Variants in CDH12 observed in about 807,000 individuals in gnomAD.
CDH12 encodes cadherin-12.
In CDH12, 41 loss-of-function variants were observed where a neutral mutation model predicts 74.1. The observed-to-expected ratio is 0.55, with a 90% confidence interval of 0.43 to 0.72. The LOEUF (loss-of-function observed/expected upper bound fraction) is 0.72. Ranked by LOEUF, CDH12 falls within the 30% of genes least tolerant of loss-of-function variation. CDH12 has a pLI of 0.00. For synonymous variants in CDH12, 399 were observed against 355.0 expected (o/e 1.12, Z -1.39); for missense variants, 945 against 977.2 (o/e 0.97, Z 0.44).
At chr5:22,643,677 T>A (rs1739270245) in intron 1 of CDH12, among the ~76,000 whole-genome samples, 1 of 150,614 alleles carries the variant, frequency 6.6e-6, no homozygotes. Flanking sequence ...TACATAAACT[T>A]GTAAAAGAAA....
chr5:22,455,672 A>G (rs886849356), intron 2 of CDH12, among the ~76,000 whole-genome samples: 13 of 152,224 alleles, frequency 8.5e-5, no homozygotes, highest in African/African-American at 3.1e-4. Flanking sequence ...CAGCACATAG[A>G]TAGCACTTAC....
At chr5:22,798,685 T>C (rs1021620216) in intron 1 of CDH12, among the ~76,000 whole-genome samples, 11 of 152,194 alleles carry the variant, frequency 7.2e-5, no homozygotes, top group Admixed American at 2.0e-4. Context: ...TACAAGATTA[T>C]GCATTGGTAG....
chr5:21,902,338 C>A (rs1561286423), intron 6 of CDH12, among the ~76,000 whole-genome samples: 3 of 151,658 alleles, frequency 2.0e-5, no homozygotes, highest in African/African-American at 7.3e-5. Flanking sequence ...CGCTATTTCT[C>A]TTTCTCTCTG....
At chr5:21,973,855 A>C (rs1398591056) in intron 6 of CDH12, among the ~76,000 whole-genome samples, 1 of 152,072 alleles carries the variant, frequency 6.6e-6, no homozygotes, top group Non-Finnish European at 1.5e-5. Flanking sequence ...TTCCAATTGG[A>C]CTTCTAAATT....
chr5:22,446,738 C>T (rs1041818704), intron 2 of CDH12, among the ~76,000 whole-genome samples: 1 of 152,014 alleles, frequency 6.6e-6, no homozygotes, highest in African/African-American at 2.4e-5. Context: ...ATATATTTTT[C>T]AAAGCTTTTT....
At chr5:22,600,254 G>C (rs533715849) in intron 1 of CDH12, among the ~76,000 whole-genome samples, 1 of 152,090 alleles carries the variant, frequency 6.6e-6, no homozygotes, top group Non-Finnish European at 1.5e-5. Context: ...AATGCTATTC[G>C]TGTCTCCTCT....
intron 4 of CDH12, among the ~76,000 whole-genome samples, chr5:22,205,534 C>T (rs1360143644): frequency 6.6e-6 from 1 of 151,856 alleles, no homozygotes; most frequent in Admixed American, 6.6e-5. Flanking sequence ...AAATATATTT[C>T]CCTCTATTGT....
At chr5:22,188,467 G>C (rs1561202559) in intron 4 of CDH12, among the ~76,000 whole-genome samples, 2 of 151,914 alleles carry the variant, frequency 1.3e-5, no homozygotes, top group Admixed American at 6.6e-5. Context: ...AAAACAGACA[G>C]AGAGAGAGAG....
Position 21,876,504 on chromosome 5 carries a change from G to C in CDH12, c.527-21714C>G, listed in dbSNP as rs188015139. ...AGGATAAATCTGGAGGACATTTTAA[G>C]CTTTTATTTAGCACTTATTGTTTAC... On this transcript the variant is annotated intron_variant, in intron 6 of 14. Coordinates refer to ENST00000382254, the MANE Select transcript of CDH12 (RefSeq NM_004061.5). Among the ~76,000 whole-genome samples, 45 of 152,248 alleles carry C rather than the reference G, an allele frequency of 3.0e-4. No homozygotes were observed. The East Asian group carries it at 8.3e-3, about 28-fold the overall frequency.
chr5:22,476,679 T>A (rs1746185283), intron 2 of CDH12, among the ~76,000 whole-genome samples: 1 of 152,192 alleles, frequency 6.6e-6, no homozygotes, highest in Non-Finnish European at 1.5e-5. Context: ...CTACTCAAAG[T>A]AATGTTAATA....
At chr5:21,982,590 A>T (rs1301258739) in intron 5 of CDH12, among the ~76,000 whole-genome samples, 1 of 151,258 alleles carries the variant, frequency 6.6e-6, no homozygotes, top group Non-Finnish European at 1.5e-5. Flanking sequence ...ATATAGAGAG[A>T]TCTCTCTAAA....
At chr5:22,596,244 C>T (rs933231279) in intron 1 of CDH12, among the ~76,000 whole-genome samples, 8 of 151,972 alleles carry the variant, frequency 5.3e-5, no homozygotes, top group Non-Finnish European at 1.2e-4. Context: ...TTAAGACCAG[C>T]CTGGCCAACA....
intron 1 of CDH12, among the ~76,000 whole-genome samples, chr5:22,588,490 C>T (rs1740522862): frequency 1.3e-5 from 2 of 152,208 alleles, no homozygotes; most frequent in South Asian, 2.1e-4. Context: ...TGAGGCAGAT[C>T]TGGGCCTGAG....
At chr5:22,512,789 G>C (rs903861602) in intron 1 of CDH12, among the ~76,000 whole-genome samples, 1 of 152,140 alleles carries the variant, frequency 6.6e-6, no homozygotes, top group South Asian at 2.1e-4. Flanking sequence ...CCTGCTGGGA[G>C]TGGTGGCTCA....
chr5:22,285,980 T>G (rs1202181367), intron 3 of CDH12, among the ~76,000 whole-genome samples: 1 of 152,052 alleles, frequency 6.6e-6, no homozygotes, highest in Non-Finnish European at 1.5e-5. Context: ...TTTTTATAAT[T>G]TATCTTTATA....
chr5:22,665,633 T>G (rs994143524), intron 1 of CDH12, among the ~76,000 whole-genome samples: 10 of 152,138 alleles, frequency 6.6e-5, no homozygotes, highest in Admixed American at 6.5e-4. Context: ...TTCAGATACA[T>G]CTCCCTCGGC....
At chr5:22,188,542 C>T (rs967710451) in intron 4 of CDH12, among the ~76,000 whole-genome samples, 1 of 152,154 alleles carries the variant, frequency 6.6e-6, no homozygotes, top group Admixed American at 6.5e-5. Flanking sequence ...ACATTGGCAT[C>T]ACAAATAGAA....
chr5:22,749,262 T>C lies in CDH12; in HGVS notation c.-523+103796A>G, dbSNP rs572157645. Reference sequence around the variant, plus strand: ...AAGCAAACAGGTTCAAAGAGAGACCTGTCTGAAGCGCAGGTGAGAAATGAG... The same window carrying C: ...AAGCAAACAGGTTCAAAGAGAGACCCGTCTGAAGCGCAGGTGAGAAATGAG... On this transcript the variant is annotated intron_variant, in intron 1 of 14. Transcript: ENST00000382254. Among the ~76,000 whole-genome samples, 13 of 152,360 alleles carry C rather than the reference T, an allele frequency of 8.5e-5. No individual in the cohort carries two copies. In the East Asian group the frequency reaches 2.5e-3, roughly 29 times the overall value.
chr5:22,083,682 G>C (rs1437047279), intron 4 of CDH12, among the ~76,000 whole-genome samples: 5 of 152,100 alleles, frequency 3.3e-5, no homozygotes, highest in Non-Finnish European at 5.9e-5. Context: ...GAGATGTTAA[G>C]TGACTTGACC....
Sources: allele counts gnomAD v4.1 joint callset (sites outside exome capture counted in the v4.1 genomes callset), GRCh38; gene constraint gnomAD v4.1.1; transcripts MANE v1.5; gene names NCBI Gene and HGNC (gene_info 2026-07-23, HGNC 2026-07-21).